CPNE8: variants seen among roughly 807,000 people sequenced by gnomAD.
CPNE8 encodes copine-8.
CPNE8 carries 45 observed loss-of-function variants against 81.5 expected under a neutral mutation model. The observed-to-expected ratio is 0.55, with a 90% CI of 0.44 to 0.71. The LOEUF (loss-of-function observed/expected upper bound fraction) is 0.71. Ranked by LOEUF, CPNE8 falls within the 30% of genes least tolerant of loss-of-function variation. CPNE8 has a pLI of 0.00. For missense variants in CPNE8, 594 were observed against 672.1 expected, an observed-to-expected ratio of 0.88 and a Z score of 1.28; for synonymous variants, 252 against 226.3, an observed-to-expected ratio of 1.11 and a Z score of -1.02.
intron 6 of CPNE8, among the ~76,000 whole-genome samples, chr12:38,807,012 G>A (rs11169604): frequency 0.1 from 15,695 of 151,852 alleles, 993 homozygotes; most frequent in East Asian, 0.31. Flanking sequence ...CTGCTTCAAA[G>A]AGAATAAAAT....
At chr12:38,793,690 A>AT (rs546670967) in intron 6 of CPNE8, among the ~76,000 whole-genome samples, 12 of 151,864 alleles carry the variant, frequency 7.9e-5, no homozygotes, top group African/African-American at 1.9e-4. Flanking sequence ...TGCCAATGGC[A>AT]TTTTTTTGCA....
chr12:38,710,268 C>CAAAAAAAAAAAAA lies in CPNE8; in HGVS notation c.915-7360_915-7348dup, dbSNP rs57376063. Among the ~76,000 whole-genome samples, 173 of 50,268 alleles carry CAAAAAAAAAAAAA rather than the reference C, an allele frequency of 3.4e-3. 5 individuals are homozygous for CAAAAAAAAAAAAA. Among genetic ancestry groups the CAAAAAAAAAAAAA allele is most frequent in the East Asian group, 0.012 (19 of 1,540 alleles). 33.0% of individuals were successfully genotyped at this position (50,268 alleles called of 152,430 possible). Reference sequence around the variant, plus strand: ...ATGTGACATAATCAAAATAAGCTAACAAAAAAAAAAAAAAAAAAAACCAAC... The same window carrying CAAAAAAAAAAAAA: ...ATGTGACATAATCAAAATAAGCTAACAAAAAAAAAAAAAAAAAAAAAAAAAAAAAAAAACCAAC... On this transcript the variant is annotated intron_variant, in intron 13 of 19. Transcript: ENST00000331366.
intron 18 of CPNE8, among the ~76,000 whole-genome samples, chr12:38,674,679 A>G (rs1939249712): frequency 6.6e-6 from 1 of 152,204 alleles, no homozygotes; most frequent in Non-Finnish European, 1.5e-5. Context: ...ATCATGCTAG[A>G]AAGGATGACC....
chr12:38,787,627 A>G (rs180727985), intron 6 of CPNE8, among the ~76,000 whole-genome samples: 38 of 152,000 alleles, frequency 2.5e-4, no homozygotes, highest in Admixed American at 6.6e-4. Flanking sequence ...TGAAATTGAA[A>G]TTACAAAAAT....
At chr12:38,839,857 C>A in intron 5 of CPNE8, 59 bp downstream of exon 5, 1 of 1,376,230 alleles carries the variant, frequency 7.3e-7, no homozygotes, top group Non-Finnish European at 9.8e-7. Flanking sequence ...ATTAATAAGT[C>A]AGCATAAGTA....
intron 4 of CPNE8, among the ~76,000 whole-genome samples, chr12:38,848,122 G>C (rs747519097): frequency 6.6e-6 from 1 of 152,090 alleles, no homozygotes; most frequent in Non-Finnish European, 1.5e-5. Context: ...ATGCTGACTC[G>C]ATTATCCTGG....
intron 6 of CPNE8, among the ~76,000 whole-genome samples, chr12:38,798,254 C>G (rs1942554594): frequency 6.6e-6 from 1 of 152,074 alleles, no homozygotes; most frequent in Admixed American, 6.6e-5. Flanking sequence ...TTGTCGGATT[C>G]ACCAAAGTTG....
chr12:38,783,078 C>T (rs1356377114), intron 6 of CPNE8, among the ~76,000 whole-genome samples: 2 of 152,148 alleles, frequency 1.3e-5, no homozygotes, highest in South Asian at 2.1e-4. Context: ...TGTATTCTTA[C>T]ATTTTGAGAG....
chr12:38,873,194 G>A (rs1447895191), intron 2 of CPNE8, 144 bp from the exon 3 acceptor site: 5 of 561,484 alleles, frequency 8.9e-6, no homozygotes, highest in Admixed American at 3.9e-5. Flanking sequence ...AAAAAAAAAG[G>A]CTAGTAAATC....
rs1428214797 is a variant in CPNE8 at position 38,905,484 on chromosome 12, C to G, written c.51G>C (p.Leu17=). ...STAGIGDLNQ[L]SAAIPATRVE... is the part of the protein sequence containing the mutation. ...CCCGCGTGGCCGGGATGGCAGCGCTCAGCTGGTTCAAGTCCCCGATGCCCG... is the reference window on the plus strand; with the variant it reads ...CCCGCGTGGCCGGGATGGCAGCGCTGAGCTGGTTCAAGTCCCCGATGCCCG... Residue 17 remains leucine, a synonymous_variant, in exon 1 of 20, where the codon CTG becomes CTC. Transcript: ENST00000331366. 1.3e-6 allele frequency: 2 copies of G among 1,576,724 alleles called. No individual in the cohort carries two copies. The highest frequency in any genetic ancestry group is 3.7e-5 in the Admixed American group (2 of 54,316).
rs945411907 is a variant in CPNE8, at chr12:38,724,863, A to AT, written c.834dup (p.Tyr279IlefsTer3). On this transcript the variant is annotated frameshift_variant, in exon 12 of 20. Coordinates refer to ENST00000331366, the MANE Select transcript of CPNE8 (RefSeq NM_153634.3). LOFTEE classifies it high-confidence loss of function. ...TGACTTACTGTTCCAGAATTAGTAT[A>AT]TTTTTTCTTTTTTCCTTTCTTTTTG... 1.3e-5 allele frequency: 20 copies of AT among 1,490,660 alleles called. No individual in the cohort carries two copies. Among genetic ancestry groups the AT allele is most frequent in the Non-Finnish European group, 1.9e-5 (20 of 1,076,862 alleles). 92.3% of individuals were successfully genotyped at this position (1,490,660 alleles called of 1,614,324 possible). A position where few individuals can be genotyped will look rare whatever the true frequency, so the allele number is the denominator to read the frequency against.
At chr12:38,885,096 G>A (rs1266384138) in intron 1 of CPNE8, among the ~76,000 whole-genome samples, 1 of 151,800 alleles carries the variant, frequency 6.6e-6, no homozygotes, top group Admixed American at 6.6e-5. Context: ...TTGGCATAAA[G>A]GATACTTTCT....
chr12:38,904,682 T>G (rs1292507927), intron 1 of CPNE8, among the ~76,000 whole-genome samples: 1 of 152,112 alleles, frequency 6.6e-6, no homozygotes, highest in Non-Finnish European at 1.5e-5. Flanking sequence ...TTGGCCAGGC[T>G]GGTCTCGAAC....
chr12:38,825,183 C>T (rs981478082), intron 6 of CPNE8, among the ~76,000 whole-genome samples: 3 of 152,156 alleles, frequency 2.0e-5, no homozygotes, highest in East Asian at 3.9e-4. Flanking sequence ...ATGGAGGCTT[C>T]GAAGTTGTGT....
At chr12:38,775,562 G>A (rs778262539) in intron 7 of CPNE8, among the ~76,000 whole-genome samples, 4 of 152,162 alleles carry the variant, frequency 2.6e-5, no homozygotes, top group Admixed American at 6.5e-5. Context: ...ATTGACTTCA[G>A]ATTAAGCTGG....
At position 38,857,680 on chromosome 12, in the gene CPNE8, G is replaced by C. The variant is rs775179333; in HGVS notation, c.187-9018C>G. 1.3e-4 allele frequency among the ~76,000 whole-genome samples: 20 copies of C among 152,262 alleles called. 1 individual carries two copies. The South Asian group carries it at 3.3e-3, about 25-fold the overall frequency. ...GTAATCCCAGCACTTTAAGAGGCCA[G>C]GGTGGGTGGATCACGAGGTCAGGAG... On this transcript the variant is annotated intron_variant, in intron 3 of 19. Coordinates refer to ENST00000331366, the MANE Select transcript of CPNE8 (RefSeq NM_153634.3).
chr12:38,806,847 G>C (rs1022067086), intron 6 of CPNE8, among the ~76,000 whole-genome samples: 13 of 150,194 alleles, frequency 8.7e-5, no homozygotes, highest in African/African-American at 2.2e-4. Flanking sequence ...GGTATATCTA[G>C]AAAACCCCAT....
At position 38,652,478 on chromosome 12, in the gene CPNE8, C is replaced by T. The variant is rs1938721201; in HGVS notation, c.*1404G>A. 6.6e-6 allele frequency: 1 copy of T among 152,264 alleles called. No homozygotes were observed. The highest frequency in any genetic ancestry group is 1.5e-5 in the Non-Finnish European group (1 of 67,928). 9.4% of individuals were successfully genotyped at this position (152,264 alleles called of 1,614,324 possible). ...TTCTTTCCAGTAAAATAGTTTCATG[C>T]TTATAAAAGTCACCCTAGGTCAACT... is the stretch of plus-strand genomic sequence containing the variant. On this transcript the variant is annotated 3_prime_UTR_variant, in exon 20 of 20. Coordinates refer to ENST00000331366, the MANE Select transcript of CPNE8 (RefSeq NM_153634.3).
Position 38,653,904 on chromosome 12 carries a change from T to G in CPNE8, c.1673A>C (p.His558Pro). The G allele has an allele frequency of 6.2e-7, 1 of 1,613,112 alleles. No individual in the cohort carries two copies. The highest frequency in any genetic ancestry group is 2.2e-5 in the East Asian group (1 of 44,796). ...PAPPPYTPPT[H>P]VLQTQI ...CAGTCATATTTGAGTCTGTAACACATGTGTAGGTGGGGTGTATGGGGGAGG... is the reference window on the plus strand; with the variant it reads ...CAGTCATATTTGAGTCTGTAACACAGGTGTAGGTGGGGTGTATGGGGGAGG... Residue 558 changes from histidine to proline, a missense_variant, in exon 20 of 20, where the codon CAT becomes CCT. Physicochemically the swap from His to Pro is moderately conservative, Grantham distance 77 (BLOSUM62 -2). Coordinates refer to ENST00000331366, the MANE Select transcript of CPNE8 (RefSeq NM_153634.3).
Sources: allele counts gnomAD v4.1 joint callset (sites outside exome capture counted in the v4.1 genomes callset), GRCh38; gene constraint gnomAD v4.1.1; transcripts MANE v1.5; gene names NCBI Gene and HGNC (gene_info 2026-07-23, HGNC 2026-07-21).